MORN5: variants seen among roughly 807,000 people sequenced by gnomAD.
The protein encoded by MORN5 is MORN repeat containing 5.
Under a neutral mutation model 22.1 loss-of-function variants are expected in MORN5, and 21 were observed. The observed-to-expected ratio is 0.95, with a 90% CI of 0.67 to 1.37. MORN5 has a LOEUF of 1.37. MORN5 is among the 40% of genes most tolerant of loss of function. The pLI, the probability that MORN5 is intolerant of heterozygous loss-of-function variation, is 0.00. For synonymous variants in MORN5, 73 were observed against 74.0 expected, an observed-to-expected ratio of 0.99 and a Z score of 0.07; for missense variants, 211 against 215.1, an observed-to-expected ratio of 0.98 and a Z score of 0.12.
At chr9:122,162,760 C>A (rs1474678732) in intron 1 of MORN5, among the ~76,000 whole-genome samples, 1 of 152,052 alleles carries the variant, frequency 6.6e-6, no homozygotes, top group East Asian at 1.9e-4. Flanking sequence ...ATGTAAAATT[C>A]TAGAAAATGC....
chr9:122,174,974 C>G (rs897400685), intron 4 of MORN5: 1 of 644,134 alleles, frequency 1.6e-6, no homozygotes, highest in Non-Finnish European at 1.9e-6. Flanking sequence ...CAGAGCAAAG[C>G]TGGACACAGC....
chr9:122,199,025 G>A (rs913935), intron 4 of MORN5, among the ~76,000 whole-genome samples: 137,505 of 152,112 alleles, frequency 0.9, 62,452 homozygotes, highest in South Asian at 0.95. Context: ...GGAGGGGCCC[G>A]GTATGGGTTT....
intron 4 of MORN5, among the ~76,000 whole-genome samples, chr9:122,182,374 C>T (rs1316107391): frequency 6.6e-6 from 1 of 152,250 alleles, no homozygotes; most frequent in African/African-American, 2.4e-5. Flanking sequence ...GGGCATGTGG[C>T]TTTGCCTGTG....
chr9:122,181,752 T>C (rs1251131559), intron 4 of MORN5, among the ~76,000 whole-genome samples: 1 of 152,184 alleles, frequency 6.6e-6, no homozygotes, highest in African/African-American at 2.4e-5. Context: ...ACTTTTCCCC[T>C]TGGAGCCTCA....
chr9:122,200,068 A>G lies in MORN5; in HGVS notation c.*137A>G, dbSNP rs1829982463. 1 of 809,390 alleles carries G rather than the reference A, an allele frequency of 1.2e-6. No individual in the cohort carries two copies. The highest frequency in any genetic ancestry group is 1.7e-5 in the African/African-American group (1 of 58,222). The allele number at this position is 809,390 out of a possible 1,614,324, so 50.1% of individuals were successfully genotyped here. A position where few individuals can be genotyped will look rare whatever the true frequency, so the allele number is the denominator to read the frequency against. Reference sequence around the variant, plus strand: ...GAACCTGATTTTAACTCAGGAATAAAGACTTTCTGCGGTCAGTGGCCCCAG... The same window carrying G: ...GAACCTGATTTTAACTCAGGAATAAGGACTTTCTGCGGTCAGTGGCCCCAG... On this transcript the variant is annotated 3_prime_UTR_variant, in exon 5 of 5. Coordinates refer to ENST00000373764, the MANE Select transcript of MORN5 (RefSeq NM_198469.4).
chr9:122,167,098 A>T (rs957488162), intron 2 of MORN5, among the ~76,000 whole-genome samples, 183 bp downstream of exon 2: 2 of 143,462 alleles, frequency 1.4e-5, no homozygotes, highest in African/African-American at 5.3e-5. Context: ...ACCAGGCTGG[A>T]GTGCAGTGGC....
At chr9:122,182,610 G>A (rs140038628) in intron 4 of MORN5, among the ~76,000 whole-genome samples, 27 of 152,320 alleles carry the variant, frequency 1.8e-4, no homozygotes, top group African/African-American at 5.3e-4. Context: ...AATTAGCTGG[G>A]CATGGTGGCG....
At chr9:122,194,696 C>T (rs1829846242) in intron 4 of MORN5, among the ~76,000 whole-genome samples, 1 of 152,074 alleles carries the variant, frequency 6.6e-6, no homozygotes, top group African/African-American at 2.4e-5. Flanking sequence ...TGAGAGCTTA[C>T]AGTCTAATGG....
chr9:122,187,689 A>G (rs563832143), intron 4 of MORN5, among the ~76,000 whole-genome samples: 5 of 152,284 alleles, frequency 3.3e-5, no homozygotes, highest in South Asian at 4.2e-4. Context: ...AATAACATAA[A>G]CCAAAAAAAA....
intron 1 of MORN5, among the ~76,000 whole-genome samples, chr9:122,160,565 T>G (rs1009121311): frequency 1.3e-5 from 2 of 150,790 alleles, no homozygotes; most frequent in African/African-American, 4.9e-5. Context: ...TTCCTTCCTT[T>G]TTTCCTTCCT....
At chr9:122,191,038 G>A (rs1018031330) in intron 4 of MORN5, among the ~76,000 whole-genome samples, 3 of 152,204 alleles carry the variant, frequency 2.0e-5, no homozygotes, top group Admixed American at 6.5e-5. Context: ...CAGCCCCTAT[G>A]ACAGAAGCTT....
intron 4 of MORN5, among the ~76,000 whole-genome samples, chr9:122,199,528 C>G (rs563915167): frequency 6.6e-6 from 1 of 152,274 alleles, no homozygotes; most frequent in East Asian, 1.9e-4. Context: ...CCGGCAAGGC[C>G]TAGACCCACT....
intron 1 of MORN5, among the ~76,000 whole-genome samples, chr9:122,162,128 G>A (rs1266599959): frequency 6.6e-6 from 1 of 152,264 alleles, no homozygotes; most frequent in East Asian, 1.9e-4. Context: ...TTTGCTTGTT[G>A]TACACTTAAT....
chr9:122,166,376 G>T (rs911456432), intron 1 of MORN5, among the ~76,000 whole-genome samples: 6 of 151,972 alleles, frequency 3.9e-5, no homozygotes, highest in Non-Finnish European at 5.9e-5. Context: ...TAATAGGCAA[G>T]GATGGGTTGG....
chr9:122,198,697 C>T (rs885405), intron 4 of MORN5, among the ~76,000 whole-genome samples: 1,883 of 152,214 alleles, frequency 0.012, 38 homozygotes, highest in African/African-American at 0.039. Context: ...TGGCCAAGAA[C>T]GCTTGTCCCA....
At position 122,197,257 on chromosome 9, in the gene MORN5, TC is replaced by T. The variant is rs142307452; in HGVS notation, c.440-2623del. Among the ~76,000 whole-genome samples, 9,121 of 152,026 alleles carry T rather than the reference TC, an allele frequency of 0.06. 407 individuals are homozygous for T. The highest frequency in any genetic ancestry group is 0.13 in the Middle Eastern group (39 of 294). On this transcript the variant is annotated intron_variant, in intron 4 of 4. Transcript: ENST00000373764. The surrounding 1 kb of genome is among the most constrained non-coding windows in gnomAD (Gnocchi z 5.7). Reference sequence around the variant, plus strand: ...GATTAAAGAGTTTGTGGGGTGTTTTTCCCCCATCTTTTTTCTCCCTCCTTTC... The same window carrying T: ...GATTAAAGAGTTTGTGGGGTGTTTTTCCCCATCTTTTTTCTCCCTCCTTTC...
At chr9:122,174,780 C>A in intron 4 of MORN5, 153 bp downstream of exon 4, 4 of 1,521,222 alleles carry the variant, frequency 2.6e-6, no homozygotes, top group Non-Finnish European at 3.5e-6. Context: ...ATTTTTTGGA[C>A]TTCTCGTGGC....
intron 4 of MORN5, among the ~76,000 whole-genome samples, chr9:122,180,338 T>G (rs1483360615): frequency 7.1e-6 from 1 of 139,936 alleles, no homozygotes; most frequent in East Asian, 2.0e-4. Flanking sequence ...TAGGCTGGAG[T>G]GCAGTGGTAT....
intron 4 of MORN5, among the ~76,000 whole-genome samples, chr9:122,194,917 G>A (rs1243926709): frequency 6.6e-6 from 1 of 152,088 alleles, no homozygotes; most frequent in Non-Finnish European, 1.5e-5. Flanking sequence ...CTACTCGGGA[G>A]GCTGAAGCAG....
Sources: gnomAD v4.1 joint callset for allele counts (sites outside exome capture counted in the v4.1 genomes callset) on GRCh38, gnomAD v4.1.1 for gene constraint, Gnocchi (gnomAD v3.1) non-coding constraint, MANE v1.5 for transcripts, NCBI Gene and HGNC (gene_info 2026-07-23, HGNC 2026-07-21) for gene names.